The following RPTOR variants were observed in gnomAD, a reference collection of about 807,000 sequenced individuals.
RPTOR encodes the protein regulatory-associated protein of mTOR.
In RPTOR, 21 loss-of-function variants were observed where a neutral mutation model predicts 169.9. The ratio of observed to expected loss-of-function variants is 0.12; its 90% confidence interval spans 0.09 to 0.18. RPTOR has a LOEUF of 0.18. RPTOR is among the 10% of genes least tolerant of loss of function. The pLI is 1.00. For missense variants in RPTOR, 1,133 were observed against 1,855.9 expected (o/e 0.61, Z 7.16); for synonymous variants, 732 against 753.2 (o/e 0.97, Z 0.46).
At chr17:80,595,938 C>G (rs992733086) in intron 1 of RPTOR, among the ~76,000 whole-genome samples, 1 of 152,164 alleles carries the variant, frequency 6.6e-6, no homozygotes. Context: ...GGGGACTTTA[C>G]TAAATGGACC....
At chr17:80,696,180 C>CTTTGT (rs1284143991) in intron 3 of RPTOR, among the ~76,000 whole-genome samples, 1 of 152,220 alleles carries the variant, frequency 6.6e-6, no homozygotes, top group African/African-American at 2.4e-5. Flanking sequence ...TAAGTGGCAG[C>CTTTGT]TTTGTTTTGT....
intron 1 of RPTOR, among the ~76,000 whole-genome samples, chr17:80,586,958 G>A (rs911775926): frequency 6.6e-6 from 1 of 152,234 alleles, no homozygotes; most frequent in Non-Finnish European, 1.5e-5. Context: ...TGTGCTCCGC[G>A]TCTGCCGGAT....
chr17:80,832,281 G>A (rs1362968234), intron 9 of RPTOR, among the ~76,000 whole-genome samples: 6 of 152,212 alleles, frequency 3.9e-5, no homozygotes, highest in South Asian at 4.1e-4. Flanking sequence ...GGGTGCAGGC[G>A]GCTCCTGTCT....
chr17:80,840,942 T>A (rs1482387445), intron 10 of RPTOR, among the ~76,000 whole-genome samples: 1 of 12,998 alleles, frequency 7.7e-5, no homozygotes, highest in Non-Finnish European at 1.3e-4. Flanking sequence ...TCACTCTCTC[T>A]GCACCGCAGC....
At chr17:80,626,008 A>G (rs2065391373) in intron 2 of RPTOR, among the ~76,000 whole-genome samples, 1 of 152,242 alleles carries the variant, frequency 6.6e-6, no homozygotes. Flanking sequence ...AAATCAATAC[A>G]GTGATGATTA....
intron 2 of RPTOR, among the ~76,000 whole-genome samples, chr17:80,636,984 G>A (rs981815292): frequency 1.3e-5 from 2 of 152,218 alleles, no homozygotes; most frequent in Non-Finnish European, 2.9e-5. Context: ...TAGATGCACG[G>A]TGCTGCTTAT....
intron 23 of RPTOR, among the ~76,000 whole-genome samples, chr17:80,925,140 C>T (rs1277783026): frequency 1.3e-5 from 2 of 152,200 alleles, no homozygotes; most frequent in African/African-American, 2.4e-5. Context: ...ATGGTGGGAC[C>T]GACGTGGCTC....
chr17:80,675,490 A>C (rs1024339293), intron 3 of RPTOR, among the ~76,000 whole-genome samples: 3 of 152,074 alleles, frequency 2.0e-5, no homozygotes, highest in Non-Finnish European at 4.4e-5. Flanking sequence ...GGGTGGGTTT[A>C]CTTTCGGGTA....
In RPTOR at chr17:80,633,861, T is replaced by C. The variant is rs1255567353; in HGVS notation, c.265+8068T>C. Reference sequence around the variant, plus strand: ...GTTGTTGGGAACCCATTGGGCCGGCTTCTTTGGCTTCTGTCTTGTTTGCAT... The same window carrying C: ...GTTGTTGGGAACCCATTGGGCCGGCCTCTTTGGCTTCTGTCTTGTTTGCAT... On this transcript the variant is annotated intron_variant, in intron 2 of 33. Transcript: ENST00000306801. This position sits in a 1 kb window ranked among gnomAD's most constrained non-coding sequence, Gnocchi z 4.1. Among the ~76,000 whole-genome samples the C allele has an allele frequency of 6.6e-6, 1 of 152,240 alleles. No individual in the cohort carries two copies. The highest frequency in any genetic ancestry group is 6.5e-5 in the Admixed American group (1 of 15,282).
chr17:80,584,054 CAG>C (rs2065039325), intron 1 of RPTOR, among the ~76,000 whole-genome samples: 1 of 152,156 alleles, frequency 6.6e-6, no homozygotes, highest in Non-Finnish European at 1.5e-5. Flanking sequence ...CTGCAGAGGT[CAG>C]GGGCATGGCG....
At position 80,707,239 on chromosome 17, in the gene RPTOR, C is replaced by CGCGT. The variant is rs1383248321; in HGVS notation, c.349-601_349-598dup. Among the ~76,000 whole-genome samples, 1 of 152,150 alleles carries CGCGT rather than the reference C, an allele frequency of 6.6e-6. No homozygotes were observed. On this transcript the variant is annotated intron_variant, in intron 3 of 33. Coordinates refer to ENST00000306801, the MANE Select transcript of RPTOR (RefSeq NM_020761.3). This position sits in a 1 kb window ranked among gnomAD's most constrained non-coding sequence, Gnocchi z 5.0. The stretch of plus-strand genomic sequence containing the variant: ...ATGCTCCAGATGTTTTCAGAAGGAC[C>CGCGT]GCGTACTTCTGAGAAACACTTGGTA...
At chr17:80,780,770 C>G (rs1316587596) in intron 6 of RPTOR, among the ~76,000 whole-genome samples, 1 of 152,132 alleles carries the variant, frequency 6.6e-6, no homozygotes, top group Non-Finnish European at 1.5e-5. Context: ...CCCCCCTCAC[C>G]CTCCCCCCGG....
At chr17:80,895,740 A>G (rs1014521436) in intron 20 of RPTOR, among the ~76,000 whole-genome samples, 3 of 152,172 alleles carry the variant, frequency 2.0e-5, no homozygotes, top group African/African-American at 7.2e-5. Flanking sequence ...AGGCGCCCCC[A>G]TCTCGCCACT....
At chr17:80,774,258 T>C (rs2066872280) in intron 6 of RPTOR, 1 of 985,390 alleles carries the variant, frequency 1.0e-6, no homozygotes, top group Non-Finnish European at 1.2e-6. Context: ...ATGCTCACGC[T>C]CCGGTGTGAC....
chr17:80,549,901 A>C (rs2084324260), intron 1 of RPTOR, among the ~76,000 whole-genome samples: 1 of 152,244 alleles, frequency 6.6e-6, no homozygotes, highest in Non-Finnish European at 1.5e-5. Context: ...GACCACTGAC[A>C]GGCATCCTAT....
Position 80,690,231 on chromosome 17 carries a change from G to T in RPTOR, c.349-17610G>T, listed in dbSNP as rs181746923. On this transcript the variant is annotated intron_variant, in intron 3 of 33. Transcript: ENST00000306801. Reference sequence around the variant, plus strand: ...CCAGTCCCCCCTTCCCACTCCCCTGGCTGATTAGGAAGCAAATCCCAGACT... The same window carrying T: ...CCAGTCCCCCCTTCCCACTCCCCTGTCTGATTAGGAAGCAAATCCCAGACT... 1.2e-3 allele frequency among the ~76,000 whole-genome samples: 182 copies of T among 151,598 alleles called. 1 individual carries two copies. Among genetic ancestry groups the T allele is most frequent in the African/African-American group, 3.9e-3 (163 of 41,288 alleles).
intron 4 of RPTOR, among the ~76,000 whole-genome samples, chr17:80,711,893 G>A (rs753568223): frequency 6.6e-6 from 1 of 151,722 alleles, no homozygotes; most frequent in Non-Finnish European, 1.5e-5. Flanking sequence ...ACAGGCGCCC[G>A]CCGCCACGCC....
At chr17:80,593,492 A>G (rs561932370) in intron 1 of RPTOR, 3 of 154,916 alleles carry the variant, frequency 1.9e-5, no homozygotes, top group Admixed American at 6.5e-5. Flanking sequence ...TGAAAAAGCT[A>G]CTGAAACAGT....
At chr17:80,709,937 A>T (rs1263804314) in intron 4 of RPTOR, among the ~76,000 whole-genome samples, 1 of 148,156 alleles carries the variant, frequency 6.7e-6, no homozygotes, top group Non-Finnish European at 1.5e-5. Flanking sequence ...TTATGATGTG[A>T]TTTTTTTTCT....
Sources: gnomAD v4.1 joint callset for allele counts (sites outside exome capture counted in the v4.1 genomes callset) on GRCh38, gnomAD v4.1.1 for gene constraint, Gnocchi (gnomAD v3.1) non-coding constraint, MANE v1.5 for transcripts, NCBI Gene and HGNC (gene_info 2026-07-23, HGNC 2026-07-21) for gene names.